Variants in PLA2G4E observed in about 807,000 individuals in gnomAD.
PLA2G4E encodes phospholipase A2 group IVE, also known as cytosolic phospholipase A2 epsilon.
Under a neutral mutation model 109.1 loss-of-function variants are expected in PLA2G4E, and 84 were observed. The observed-to-expected ratio is 0.77, with a 90% CI of 0.65 to 0.92. The LOEUF is 0.92. PLA2G4E is among the 40% of genes least tolerant of loss of function. The probability of loss-of-function intolerance (pLI) is 0.00; values close to 1 mark genes in which losing one functional copy is unlikely to be tolerated. For missense variants in PLA2G4E, 1,057 were observed against 1,076.6 expected (o/e 0.98, Z 0.25); for synonymous variants, 469 against 436.1 (o/e 1.08, Z -0.94).
rs192469916 is a variant in PLA2G4E at position 42,008,848 on chromosome 15, G to C, written c.257-983C>G. 2.7e-4 allele frequency among the ~76,000 whole-genome samples: 41 copies of C among 150,728 alleles called. No individual in the cohort carries two copies. In the East Asian group the frequency reaches 7.7e-3, roughly 28 times the overall value. On this transcript the variant is annotated intron_variant, in intron 2 of 19. Coordinates refer to ENST00000399518, the Ensembl canonical transcript of PLA2G4E. ...CCAGTGTCAGAGAGTCCTCTCGATG[G>C]TAAAGCTGGCAGGAGGATGGGAGTT... is the stretch of plus-strand genomic sequence containing the variant.
At chr15:42,025,813 T>C (rs2068689241) in intron 1 of PLA2G4E, among the ~76,000 whole-genome samples, 1 of 152,204 alleles carries the variant, frequency 6.6e-6, no homozygotes, top group Admixed American at 6.5e-5. Flanking sequence ...GGATGGACCA[T>C]TCATTATTGG....
exon 11 of PLA2G4E, chr15:41,997,130 C>A (rs866527167): frequency 6.4e-7 from 1 of 1,567,244 alleles, no homozygotes; most frequent in Admixed American, 1.9e-5. Flanking sequence ...CCACCTCGTC[C>A]TCCTGCAGGT....
intron 12 of PLA2G4E, among the ~76,000 whole-genome samples, chr15:41,995,094 C>A (rs951486251): frequency 6.6e-6 from 1 of 152,274 alleles, no homozygotes; most frequent in Non-Finnish European, 1.5e-5. Flanking sequence ...CATACAGTGT[C>A]TCTGGCATAC....
At chr15:41,994,789 A>G (rs954741041) in intron 12 of PLA2G4E, among the ~76,000 whole-genome samples, 9 of 152,272 alleles carry the variant, frequency 5.9e-5, no homozygotes, top group Non-Finnish European at 1.3e-4. Flanking sequence ...TCTTCAACCT[A>G]TAAGTTTGTT....
At chr15:42,019,273 A>G (rs1395677432) in intron 1 of PLA2G4E, among the ~76,000 whole-genome samples, 2 of 152,240 alleles carry the variant, frequency 1.3e-5, no homozygotes, top group African/African-American at 2.4e-5. Context: ...AGCTCTCCCT[A>G]TACCCCAAGA....
Position 42,001,039 on chromosome 15 carries a change from G to T in PLA2G4E, c.673+118C>A, listed in dbSNP as rs771028806. 101 of 1,030,782 alleles carry T rather than the reference G, an allele frequency of 9.8e-5. 1 individual carries two copies. Among genetic ancestry groups the T allele is most frequent in the South Asian group, 5.9e-4 (39 of 66,610 alleles). The allele number at this position is 1,030,782 out of a possible 1,614,324, so 63.9% of individuals were successfully genotyped here. ...GAGATGATTCTGAGGGGTTTCAGCC[G>T]AGCTTTTGGTCCCCCTGAGCCCAGG... On this transcript the variant is annotated intron_variant, in intron 7 of 19. Coordinates refer to ENST00000399518, the Ensembl canonical transcript of PLA2G4E.
rs1889069752 is a variant in PLA2G4E at position 42,028,951 on chromosome 15, A to C, written c.184-15194T>G. Among the ~76,000 whole-genome samples the C allele has an allele frequency of 4.6e-5, 7 of 152,244 alleles. No homozygotes were observed. In the South Asian group the frequency reaches 1.5e-3, roughly 32 times the overall value. ...CTATTTCATGATGACAAGATAACAA[A>C]GTATAAACATTACAAGAAAGGACCT... On this transcript the variant is annotated intron_variant, in intron 1 of 19. Transcript: ENST00000399518.
At chr15:42,035,834 CT>C (rs1392070876) in intron 1 of PLA2G4E, among the ~76,000 whole-genome samples, 1 of 152,074 alleles carries the variant, frequency 6.6e-6, no homozygotes, top group Non-Finnish European at 1.5e-5. Flanking sequence ...TTGCTTTATA[CT>C]TTTTTAAAGC....
chr15:42,021,649 C>T (rs757842335), intron 1 of PLA2G4E, among the ~76,000 whole-genome samples: 1 of 152,140 alleles, frequency 6.6e-6, no homozygotes, highest in Non-Finnish European at 1.5e-5. Context: ...GGAGAGAGGG[C>T]GTGTCCAGCC....
At chr15:42,047,351 T>G (rs1241463558) in intron 1 of PLA2G4E, among the ~76,000 whole-genome samples, 1 of 152,076 alleles carries the variant, frequency 6.6e-6, no homozygotes, top group Non-Finnish European at 1.5e-5. Flanking sequence ...AGGGCCTTCT[T>G]GCTGTGTCAT....
intron 12 of PLA2G4E, among the ~76,000 whole-genome samples, chr15:41,994,003 G>A (rs114002849): frequency 5.6e-3 from 824 of 147,852 alleles, no homozygotes; most frequent in African/African-American, 9.1e-3. Context: ...CCGGGAGGAC[G>A]CAGGTGCCCC....
intron 1 of PLA2G4E, among the ~76,000 whole-genome samples, chr15:42,038,292 G>C (rs1244356355): frequency 6.6e-6 from 1 of 152,170 alleles, no homozygotes. Flanking sequence ...TGGGGGCAGG[G>C]ATGATTCAAG....
intron 12 of PLA2G4E, among the ~76,000 whole-genome samples, chr15:41,993,738 G>C (rs2068289458): frequency 6.6e-6 from 1 of 152,092 alleles, no homozygotes; most frequent in Non-Finnish European, 1.5e-5. Context: ...GCACATTTAA[G>C]GAAACAGGGG....
At chr15:42,011,614 C>T (rs2068536610) in intron 2 of PLA2G4E, among the ~76,000 whole-genome samples, 1 of 151,948 alleles carries the variant, frequency 6.6e-6, no homozygotes, top group South Asian at 2.1e-4. Flanking sequence ...CCTGTAGTCC[C>T]AGCTACTTGG....
intron 1 of PLA2G4E, among the ~76,000 whole-genome samples, chr15:42,031,296 A>G (rs1228540095): frequency 6.6e-6 from 1 of 152,190 alleles, no homozygotes; most frequent in Non-Finnish European, 1.5e-5. Flanking sequence ...CATGCTTAGC[A>G]ATCATAAATA....
intron 13 of PLA2G4E, among the ~76,000 whole-genome samples, chr15:41,991,036 G>A (rs1050296915): frequency 1.3e-5 from 2 of 152,076 alleles, no homozygotes; most frequent in African/African-American, 2.4e-5. Context: ...ATGACATGTG[G>A]GTCTCCTTTG....
chr15:42,007,724 C>G lies in PLA2G4E; in HGVS notation c.393+5G>C. The G allele has an allele frequency of 6.2e-7, 1 of 1,610,990 alleles. No homozygotes were observed. Among genetic ancestry groups the G allele is most frequent in the Non-Finnish European group, 8.5e-7 (1 of 1,178,620 alleles). ...GGAAGACAGGTGCAGTCCTCCATGT[C>G]TCACCTTCACTCGGCTCTGGATCTG... On this transcript the variant is annotated splice_donor_5th_base_variant and intron_variant, in intron 3 of 19. Transcript: ENST00000399518.
At chr15:41,987,934 G>GC (rs1440281208) in intron 16 of PLA2G4E, 115 bp downstream of exon 16, 1 of 527,266 alleles carries the variant, frequency 1.9e-6, no homozygotes, top group Non-Finnish European at 3.5e-6. Context: ...GCCGGGGGCC[G>GC]CCCCCCATCA....
At chr15:41,996,907 G>A (rs1013095235) in intron 11 of PLA2G4E, among the ~76,000 whole-genome samples, 27 of 152,280 alleles carry the variant, frequency 1.8e-4, no homozygotes, top group African/African-American at 5.5e-4. Context: ...GAGGCGCTGG[G>A]GCTCTGTCCT....
Sources: gnomAD v4.1 joint callset for allele counts (sites outside exome capture counted in the v4.1 genomes callset) on GRCh38, gnomAD v4.1.1 for gene constraint, MANE v1.5 for transcripts, NCBI Gene and HGNC (gene_info 2026-07-23, HGNC 2026-07-21) for gene names.